CLSTN2: variants seen among roughly 807,000 people sequenced by gnomAD.
The protein encoded by CLSTN2 is calsyntenin-2.
A neutral mutation model predicts 101.2 loss-of-function variants in CLSTN2; 48 were observed. The ratio of observed to expected loss-of-function variants is 0.47; its 90% CI spans 0.38 to 0.60. The LOEUF (loss-of-function observed/expected upper bound fraction) is 0.60, where lower values mean the gene tolerates loss of function less well. Ranked by LOEUF, CLSTN2 falls within the 20% of genes least tolerant of loss-of-function variation. CLSTN2 has a pLI of 0.00. For missense variants in CLSTN2, 1,160 were observed against 1,238.2 expected, an observed-to-expected ratio of 0.94 and a Z score of 0.95; for synonymous variants, 481 against 463.6, an observed-to-expected ratio of 1.04 and a Z score of -0.48.
At chr3:140,097,077 A>G (rs988138270) in intron 1 of CLSTN2, among the ~76,000 whole-genome samples, 1 of 152,230 alleles carries the variant, frequency 6.6e-6, no homozygotes, top group Non-Finnish European at 1.5e-5. Context: ...TCCCAGCCCC[A>G]ATATTGGGTA....
chr3:140,526,389 C>T (rs1174585428), intron 8 of CLSTN2, among the ~76,000 whole-genome samples: 1 of 151,870 alleles, frequency 6.6e-6, no homozygotes. Flanking sequence ...AGAAAACTAC[C>T]AAACACTGCT....
intron 1 of CLSTN2, among the ~76,000 whole-genome samples, chr3:140,041,141 A>G (rs2007754257): frequency 6.6e-6 from 1 of 152,146 alleles, no homozygotes; most frequent in South Asian, 2.1e-4. Flanking sequence ...GGGAACACAT[A>G]ACTGTTCATT....
At chr3:140,348,287 G>A (rs138553337) in intron 2 of CLSTN2, among the ~76,000 whole-genome samples, 34 of 152,196 alleles carry the variant, frequency 2.2e-4, no homozygotes, top group East Asian at 7.7e-4. Flanking sequence ...TCATTTCTTC[G>A]TGCATTGAAT....
intron 8 of CLSTN2, among the ~76,000 whole-genome samples, chr3:140,491,808 G>A (rs1934358617): frequency 6.6e-6 from 1 of 152,226 alleles, no homozygotes; most frequent in Admixed American, 6.5e-5. Context: ...GGCAACTGGA[G>A]TGAGACGCTG....
intron 2 of CLSTN2, among the ~76,000 whole-genome samples, chr3:140,236,056 A>G (rs572487805): frequency 4.6e-5 from 7 of 152,224 alleles, no homozygotes; most frequent in Non-Finnish European, 5.9e-5. Flanking sequence ...TCTGAGCCTC[A>G]AGTAATAACC....
chr3:140,242,494 C>T (rs1576481154), intron 2 of CLSTN2, among the ~76,000 whole-genome samples: 1 of 152,078 alleles, frequency 6.6e-6, no homozygotes, highest in Admixed American at 6.5e-5. Flanking sequence ...ATCTTGAGCC[C>T]CTGTTCTCTG....
chr3:140,231,684 T>C (rs529050253), intron 2 of CLSTN2, among the ~76,000 whole-genome samples: 11 of 152,318 alleles, frequency 7.2e-5, no homozygotes, highest in African/African-American at 2.2e-4. Flanking sequence ...CTAGATAAGA[T>C]TGGGAATCAA....
rs1408896877 is a variant in CLSTN2, at chr3:139,935,522, G to A, written c.109+39G>A. The A allele has an allele frequency of 4.7e-6, 5 of 1,068,314 alleles. No individual in the cohort carries two copies. In the Admixed American group the frequency reaches 1.3e-4, roughly 27 times the overall value. 66.2% of individuals were successfully genotyped at this position (1,068,314 alleles called of 1,614,324 possible). A position where few individuals can be genotyped will look rare whatever the true frequency, so the allele number is the denominator to read the frequency against. On this transcript the variant is annotated intron_variant, in intron 1 of 16. Transcript: ENST00000458420. This position sits in a 1 kb window ranked among gnomAD's most constrained non-coding sequence, Gnocchi z 5.5. Reference sequence around the variant, plus strand: ...AAGTTTGCTCTTCTCCCAGGAGGGAGGCAGGGCAGGCTTGAGGGTGAAAGC... The same window carrying A: ...AAGTTTGCTCTTCTCCCAGGAGGGAAGCAGGGCAGGCTTGAGGGTGAAAGC...
At chr3:140,042,516 G>A (rs954355691) in intron 1 of CLSTN2, among the ~76,000 whole-genome samples, 3 of 152,004 alleles carry the variant, frequency 2.0e-5, no homozygotes, top group African/African-American at 7.2e-5. Context: ...GACAGCTGTA[G>A]TTTCTTTTAT....
chr3:140,417,131 A>G (rs1399729720), intron 4 of CLSTN2, among the ~76,000 whole-genome samples: 1 of 152,150 alleles, frequency 6.6e-6, no homozygotes, highest in Non-Finnish European at 1.5e-5. Context: ...AAAGTTTTTA[A>G]ACAAAATTAG....
At chr3:139,978,081 G>A (rs1437222009) in intron 1 of CLSTN2, among the ~76,000 whole-genome samples, 1 of 152,150 alleles carries the variant, frequency 6.6e-6, no homozygotes, top group East Asian at 1.9e-4. Context: ...AAGGGCTTGT[G>A]CAGAGCTGAG....
chr3:139,989,291 C>T (rs1335506301), intron 1 of CLSTN2, among the ~76,000 whole-genome samples: 1 of 152,190 alleles, frequency 6.6e-6, no homozygotes, highest in Admixed American at 6.5e-5. Context: ...GGGCAGGGTA[C>T]CCCTTTTCTG....
intron 5 of CLSTN2, among the ~76,000 whole-genome samples, chr3:140,428,027 A>G (rs1212217082): frequency 6.6e-6 from 1 of 152,158 alleles, no homozygotes; most frequent in African/African-American, 2.4e-5. Flanking sequence ...TGTCAGGGTG[A>G]GGGTGGCAGT....
chr3:140,474,961 C>G (rs1217620662), intron 8 of CLSTN2, among the ~76,000 whole-genome samples: 1 of 129,528 alleles, frequency 7.7e-6, no homozygotes, highest in Admixed American at 7.9e-5. Context: ...GAAGCCCCCA[C>G]TACACGCAAT....
At chr3:140,197,867 A>G (rs1576463879) in intron 2 of CLSTN2, among the ~76,000 whole-genome samples, 3 of 152,320 alleles carry the variant, frequency 2.0e-5, no homozygotes, top group Admixed American at 2.0e-4. Flanking sequence ...GTATCCCTGG[A>G]AAAATTATTT....
intron 1 of CLSTN2, among the ~76,000 whole-genome samples, chr3:139,982,369 T>G (rs1374490084): frequency 1.3e-5 from 1 of 76,390 alleles, no homozygotes; most frequent in African/African-American, 4.6e-5. Flanking sequence ...ACATCTTAAA[T>G]TTTTTTTTAG....
chr3:139,982,947 A>G (rs1426038), intron 1 of CLSTN2, among the ~76,000 whole-genome samples: 42,875 of 149,794 alleles, frequency 0.29, 6,346 homozygotes, highest in East Asian at 0.41. Context: ...ATATATATGA[A>G]CTATATTATA....
At chr3:139,963,752 C>T (rs577448675) in intron 1 of CLSTN2, among the ~76,000 whole-genome samples, 66 of 152,282 alleles carry the variant, frequency 4.3e-4, no homozygotes, top group African/African-American at 1.5e-3. Flanking sequence ...GCAGTTACAT[C>T]CAGGAGACCT....
chr3:140,540,975 C>T (rs1441291856), intron 9 of CLSTN2, among the ~76,000 whole-genome samples: 1 of 152,220 alleles, frequency 6.6e-6, no homozygotes, highest in African/African-American at 2.4e-5. Flanking sequence ...TTTAAGACAA[C>T]CATGTATTCC....
Sources: gnomAD v4.1 joint callset for allele counts (sites outside exome capture counted in the v4.1 genomes callset) on GRCh38, gnomAD v4.1.1 for gene constraint, Gnocchi (gnomAD v3.1) non-coding constraint, MANE v1.5 for transcripts, NCBI Gene and HGNC (gene_info 2026-07-23, HGNC 2026-07-21) for gene names.